The following TRAPPC12 variants were observed in gnomAD, a reference collection of about 807,000 sequenced individuals.
The protein encoded by TRAPPC12 is TPR repeat protein 15.
In TRAPPC12, 61 loss-of-function variants were observed where a neutral mutation model predicts 69.2. The ratio of observed to expected loss-of-function variants is 0.88; its 90% CI spans 0.72 to 1.09. The LOEUF is 1.09. TRAPPC12 is among the 50% of genes least tolerant of loss of function. TRAPPC12 has a pLI of 0.00. For synonymous variants in TRAPPC12, 469 were observed against 438.9 expected (o/e 1.07, Z -0.86); for missense variants, 1,101 against 1,016.4 (o/e 1.08, Z -1.13).
intron 3 of TRAPPC12, among the ~76,000 whole-genome samples, chr2:3,405,622 C>T (rs1469374821): frequency 6.6e-6 from 1 of 152,224 alleles, no homozygotes; most frequent in Non-Finnish European, 1.5e-5. Context: ...TAAGCCTCTT[C>T]TCTTTCCAGC....
At chr2:3,416,892 C>T (rs1022908347) in intron 3 of TRAPPC12, among the ~76,000 whole-genome samples, 1 of 110,836 alleles carries the variant, frequency 9.0e-6, no homozygotes, top group Non-Finnish European at 1.8e-5. Flanking sequence ...TGTGCCCTCC[C>T]CCTGCCCCTT....
intron 6 of TRAPPC12, chr2:3,449,520 A>G (rs1664738077): frequency 6.6e-6 from 1 of 152,292 alleles, no homozygotes; most frequent in Non-Finnish European, 1.5e-5. Context: ...AACGTATTCA[A>G]CAATGTCCAT....
chr2:3,418,302 C>T (rs1263224943), intron 3 of TRAPPC12, among the ~76,000 whole-genome samples: 1 of 152,048 alleles, frequency 6.6e-6, no homozygotes, highest in Non-Finnish European at 1.5e-5. Flanking sequence ...CAAATGCAGG[C>T]CCCTGCTTTG....
rs201362361 is a variant in TRAPPC12, at chr2:3,465,674, C to T, written c.1755C>T (p.Gly585=). Residue 585 remains glycine (G), a synonymous_variant, in exon 9 of 12, where the codon GGC becomes GGT. Coordinates refer to ENST00000324266, the MANE Select transcript of TRAPPC12 (RefSeq NM_016030.6). ...YPEQEPQLLS[G]IGRISLQIGD... is the part of the protein sequence containing the mutation. Reference sequence around the variant, plus strand: ...AGCAAGAGCCCCAGCTGCTCAGCGGCATCGGCCGGATTTCCCTGCAGGTAC... The same window carrying T: ...AGCAAGAGCCCCAGCTGCTCAGCGGTATCGGCCGGATTTCCCTGCAGGTAC... 1.1e-4 allele frequency: 181 copies of T among 1,613,998 alleles called. No homozygotes were observed. The highest frequency in any genetic ancestry group is 6.7e-5 in the Admixed American group (4 of 60,010).
intron 6 of TRAPPC12, chr2:3,456,889 G>A (rs62120544): frequency 0.071 from 23,170 of 325,686 alleles, 1,020 homozygotes; most frequent in Non-Finnish European, 0.1. Context: ...AGAAGTGTTG[G>A]GATTACAGGC....
rs1225411116 is a variant in TRAPPC12, at chr2:3,401,906, G to A, written c.1164+13G>A. On this transcript the variant is annotated intron_variant, in intron 3 of 11. Transcript: ENST00000324266. ...GAAACAGCTAATCGTAAGTGACAAT[G>A]TGTTTGATTTCAGTGTTGTTTTGTG... 1 of 1,532,314 alleles carries A rather than the reference G, an allele frequency of 6.5e-7. No individual in the cohort carries two copies. The highest frequency in any genetic ancestry group is 1.2e-5 in the South Asian group (1 of 82,084). 94.9% of individuals were successfully genotyped at this position (1,532,314 alleles called of 1,614,324 possible). A position where few individuals can be genotyped will look rare whatever the true frequency, so the allele number is the denominator to read the frequency against.
Position 3,479,494 on chromosome 2 carries a change from G to A in TRAPPC12, c.*33G>A, listed in dbSNP as rs757214034. 2.5e-6 allele frequency: 4 copies of A among 1,607,592 alleles called. No homozygotes were observed. The Admixed American group carries it at 6.7e-5, about 27-fold the overall frequency. ...CAACACACTACGTCAGAAGGACCCG[G>A]GTCTTTGAAACTGTGTCTTGAAGCT... On this transcript the variant is annotated 3_prime_UTR_variant, in exon 12 of 12. Transcript: ENST00000324266.
chr2:3,395,729 A>AT (rs374787114), intron 2 of TRAPPC12, among the ~76,000 whole-genome samples: 22,411 of 137,226 alleles, frequency 0.16, 2,004 homozygotes, highest in Non-Finnish European at 0.22. Flanking sequence ...CGCCCAGCTA[A>AT]TTTTTTTTTT....
intron 6 of TRAPPC12, among the ~76,000 whole-genome samples, chr2:3,454,263 G>A (rs994068897): frequency 1.3e-5 from 2 of 152,066 alleles, no homozygotes; most frequent in Non-Finnish European, 2.9e-5. Flanking sequence ...CTCCCAGCTG[G>A]GTAGGTGGGT....
chr2:3,398,334 G>A (rs759489185), intron 2 of TRAPPC12, among the ~76,000 whole-genome samples: 12 of 152,208 alleles, frequency 7.9e-5, no homozygotes, highest in Non-Finnish European at 1.2e-4. Flanking sequence ...ATGATGTGGT[G>A]TGTGAGGGTT....
At chr2:3,476,430 G>T (rs1572214852) in intron 9 of TRAPPC12, among the ~76,000 whole-genome samples, 1 of 152,216 alleles carries the variant, frequency 6.6e-6, no homozygotes, top group South Asian at 2.1e-4. Context: ...GCCTCATGAG[G>T]CCTGCAGTGG....
intron 9 of TRAPPC12, among the ~76,000 whole-genome samples, chr2:3,468,842 C>T (rs148428504): frequency 6.6e-6 from 1 of 152,204 alleles, no homozygotes; most frequent in African/African-American, 2.4e-5. Context: ...CTGCTCACCC[C>T]CAATGCCGCA....
intron 5 of TRAPPC12, among the ~76,000 whole-genome samples, chr2:3,438,369 A>C (rs1572161594): frequency 6.9e-5 from 4 of 58,194 alleles, no homozygotes; most frequent in Non-Finnish European, 6.3e-5. Flanking sequence ...TAATACTTCC[A>C]CCCCTGGATT....
chr2:3,420,767 C>G (rs149309759), intron 3 of TRAPPC12, among the ~76,000 whole-genome samples: 2 of 152,312 alleles, frequency 1.3e-5, no homozygotes, highest in East Asian at 3.9e-4. Context: ...CCTGAGTTCT[C>G]TGTGTCCCGG....
At chr2:3,464,527 GAGTA>G (rs1430078253) in intron 8 of TRAPPC12, among the ~76,000 whole-genome samples, 4 of 152,362 alleles carry the variant, frequency 2.6e-5, no homozygotes, top group South Asian at 2.1e-4. Context: ...ATTATACGAT[GAGTA>G]AGTAAGAAGA....
rs547835457 is a variant in TRAPPC12 at position 3,421,979 on chromosome 2, G to A, written c.1263G>A (p.Thr421=). The A allele has an allele frequency of 2.0e-5, 33 of 1,612,824 alleles. No individual in the cohort carries two copies. The highest frequency in any genetic ancestry group is 4.4e-5 in the South Asian group (4 of 90,806). Residue 421 remains threonine (T), a synonymous_variant, in exon 4 of 12, where the codon ACG becomes ACA. Transcript: ENST00000324266. ...AGAGCGGGCTGCTCACCAGCCACAC[G>A]ACAGATTCACTGCAGGTGAGAACAC... ...YGKSGLLTSH[T]TDSLQLWFVR... is the part of the protein sequence containing the mutation.
intron 2 of TRAPPC12, among the ~76,000 whole-genome samples, chr2:3,392,277 C>G (rs865906811): frequency 7.4e-6 from 1 of 134,236 alleles, no homozygotes; most frequent in Non-Finnish European, 1.6e-5. Context: ...AGCAAGCCTG[C>G]CATGTCCCAG....
chr2:3,380,143 G>A (rs1423509590), intron 1 of TRAPPC12, among the ~76,000 whole-genome samples: 1 of 152,198 alleles, frequency 6.6e-6, no homozygotes, highest in Admixed American at 6.5e-5. Flanking sequence ...GAGTTTGCGG[G>A]AAGGGGAAGC....
intron 6 of TRAPPC12, among the ~76,000 whole-genome samples, chr2:3,448,099 T>A (rs1419880008): frequency 6.6e-6 from 1 of 152,230 alleles, no homozygotes; most frequent in Non-Finnish European, 1.5e-5. Context: ...ATGCATTATG[T>A]TGATTACCCC....
Sources: gnomAD v4.1 joint callset for allele counts (sites outside exome capture counted in the v4.1 genomes callset) on GRCh38, gnomAD v4.1.1 for gene constraint, MANE v1.5 for transcripts, NCBI Gene and HGNC (gene_info 2026-07-23, HGNC 2026-07-21) for gene names.